Variants in SCAPER observed in about 807,000 individuals in gnomAD.
SCAPER encodes the protein S phase cyclin A-associated protein in the endoplasmic reticulum.
In SCAPER, 98 loss-of-function variants were observed where a neutral mutation model predicts 182.2. That is an observed-to-expected ratio of 0.54 (90% confidence interval 0.46 to 0.64). SCAPER has a LOEUF of 0.64. Among genes scored for constraint, SCAPER ranks in the 30% least tolerant of loss-of-function variants. SCAPER has a pLI of 0.00. For synonymous variants in SCAPER, 605 were observed against 564.6 expected (o/e 1.07, Z -1.01); for missense variants, 1,432 against 1,690.0 (o/e 0.85, Z 2.68).
intron 4 of SCAPER, among the ~76,000 whole-genome samples, chr15:76,848,500 AT>A (rs1568328288): frequency 3.3e-5 from 5 of 150,726 alleles, no homozygotes; most frequent in African/African-American, 7.3e-5. Context: ...TACCCAGTTA[AT>A]TTTTTTGTAT....
At chr15:76,606,448 A>AT (rs1567577971) in intron 22 of SCAPER, among the ~76,000 whole-genome samples, 2 of 152,108 alleles carry the variant, frequency 1.3e-5, no homozygotes, top group Admixed American at 6.6e-5. Flanking sequence ...TATGTGGTCA[A>AT]TTTGGGGTAG....
intron 5 of SCAPER, among the ~76,000 whole-genome samples, chr15:76,828,225 A>G (rs909488538): frequency 4.0e-5 from 6 of 150,206 alleles, no homozygotes; most frequent in Non-Finnish European, 8.9e-5. Context: ...GTATATATTT[A>G]TATAATATAT....
At chr15:76,893,707 T>C (rs2074279066) in intron 1 of SCAPER, among the ~76,000 whole-genome samples, 1 of 152,182 alleles carries the variant, frequency 6.6e-6, no homozygotes, top group African/African-American at 2.4e-5. Context: ...AAGATTTAAA[T>C]GATATCAAGT....
At chr15:76,875,553 GA>G (rs1474953656) in intron 2 of SCAPER, among the ~76,000 whole-genome samples, 1 of 152,204 alleles carries the variant, frequency 6.6e-6, no homozygotes, top group Non-Finnish European at 1.5e-5. Flanking sequence ...TGAGGCATGA[GA>G]ATCACTTGAA....
chr15:76,854,441 T>A (rs2071112616), intron 4 of SCAPER, among the ~76,000 whole-genome samples: 1 of 151,938 alleles, frequency 6.6e-6, no homozygotes, highest in African/African-American at 2.4e-5. Context: ...TACAAAACAC[T>A]GCTCAAAGAA....
chr15:76,753,205 A>G (rs2062201251), intron 15 of SCAPER, among the ~76,000 whole-genome samples: 2 of 151,898 alleles, frequency 1.3e-5, no homozygotes, highest in Non-Finnish European at 3.0e-5. Context: ...AAAAAACTGG[A>G]AAGAAAACAC....
At chr15:76,382,283 T>C (rs744336) in intron 27 of SCAPER, among the ~76,000 whole-genome samples, 76,719 of 151,860 alleles carry the variant, frequency 0.51, 20,709 homozygotes, top group Non-Finnish European at 0.61. Context: ...GGCAAATGAA[T>C]TCCTAAAATC....
At chr15:76,375,399 A>G (rs972689645) in intron 29 of SCAPER, among the ~76,000 whole-genome samples, 1 of 152,062 alleles carries the variant, frequency 6.6e-6, no homozygotes, top group Admixed American at 6.6e-5. Flanking sequence ...ACACCAAAGG[A>G]AGGCTCTAAG....
intron 27 of SCAPER, 127 bp downstream of exon 27, chr15:76,404,397 G>C (rs1291132461): frequency 1.1e-6 from 1 of 910,476 alleles, no homozygotes; most frequent in African/African-American, 1.7e-5. Flanking sequence ...CCAATGATGG[G>C]GAAAGAACAA....
At chr15:76,815,492 G>T (rs534446091) in intron 5 of SCAPER, among the ~76,000 whole-genome samples, 4 of 152,142 alleles carry the variant, frequency 2.6e-5, no homozygotes, top group Admixed American at 6.5e-5. Flanking sequence ...ATCATTGTGC[G>T]ACCATCAGAG....
intron 23 of SCAPER, among the ~76,000 whole-genome samples, chr15:76,541,260 A>G (rs2044732296): frequency 6.6e-6 from 1 of 152,216 alleles, no homozygotes; most frequent in Non-Finnish European, 1.5e-5. Flanking sequence ...TACCTTTGAA[A>G]TATTTGTAGC....
chr15:76,568,523 T>A (rs1025238880), intron 23 of SCAPER, among the ~76,000 whole-genome samples: 2 of 151,742 alleles, frequency 1.3e-5, no homozygotes, highest in Non-Finnish European at 2.9e-5. Context: ...ACCTGGCTAA[T>A]TTTTTTTATT....
At chr15:76,867,285 T>C (rs2072368220) in intron 2 of SCAPER, among the ~76,000 whole-genome samples, 1 of 152,202 alleles carries the variant, frequency 6.6e-6, no homozygotes, top group Admixed American at 6.5e-5. Flanking sequence ...GTATCTTTTT[T>C]CCAATGTTTT....
At chr15:76,808,995 G>A (rs1204217839) in intron 5 of SCAPER, among the ~76,000 whole-genome samples, 5 of 152,172 alleles carry the variant, frequency 3.3e-5, no homozygotes, top group Non-Finnish European at 7.4e-5. Flanking sequence ...CTTGAGAGAT[G>A]GGTTTCTAAC....
chr15:76,900,360 A>AG (rs2074711316), intron 1 of SCAPER, among the ~76,000 whole-genome samples: 1 of 149,938 alleles, frequency 6.7e-6, no homozygotes, highest in Non-Finnish European at 1.5e-5. Context: ...AAAAAAAAAA[A>AG]GACAAAAATA....
chr15:76,415,879 C>A (rs1340932568), intron 26 of SCAPER, among the ~76,000 whole-genome samples: 4 of 151,996 alleles, frequency 2.6e-5, no homozygotes, highest in African/African-American at 9.7e-5. Context: ...TATGGAAAAT[C>A]TTATCAGTTA....
chr15:76,373,848 CCCT>C (rs1434861948), intron 29 of SCAPER, among the ~76,000 whole-genome samples: 2 of 152,080 alleles, frequency 1.3e-5, no homozygotes, highest in Non-Finnish European at 2.9e-5. Flanking sequence ...GGCTTAGTGT[CCCT>C]CTGAACCCAG....
At chr15:76,529,840 G>GT (rs1225806185) in intron 23 of SCAPER, among the ~76,000 whole-genome samples, 1 of 152,182 alleles carries the variant, frequency 6.6e-6, no homozygotes, top group Non-Finnish European at 1.5e-5. Context: ...CTAGGTGATT[G>GT]TAAGTACTTT....
intron 17 of SCAPER, among the ~76,000 whole-genome samples, chr15:76,725,496 T>C (rs1044687066): frequency 6.6e-6 from 1 of 151,172 alleles, no homozygotes; most frequent in East Asian, 1.9e-4. Context: ...ACTTCTTTTT[T>C]ACAAAAATTA....
Sources: gnomAD v4.1 joint callset for allele counts (sites outside exome capture counted in the v4.1 genomes callset) on GRCh38, gnomAD v4.1.1 for gene constraint, MANE v1.5 for transcripts, NCBI Gene and HGNC (gene_info 2026-07-23, HGNC 2026-07-21) for gene names.